APBB1IP: variants seen among roughly 807,000 people sequenced by gnomAD.
The protein encoded by APBB1IP is amyloid beta A4 precursor protein-binding family B member 1-interacting protein.
In APBB1IP, 27 loss-of-function variants were observed where a neutral mutation model predicts 64.9. The ratio of observed to expected loss-of-function variants is 0.42; its 90% CI spans 0.31 to 0.57. The LOEUF is 0.57. Ranked by LOEUF, APBB1IP falls within the 20% of genes least tolerant of loss-of-function variation. The pLI, the probability that APBB1IP is intolerant of heterozygous loss-of-function variation, is 0.20. For synonymous variants in APBB1IP, 392 were observed against 331.0 expected (o/e 1.18, Z -2.00); for missense variants, 812 against 845.5 (o/e 0.96, Z 0.49).
At position 26,511,858 on chromosome 10, in the gene APBB1IP, T is replaced by G. The variant is rs1836265046; in HGVS notation, c.643T>G (p.Cys215Gly). ...CCTTTTCGAGAAAACTCATTGTGAC[T>G]GCAATGTAGACTGGTGTCTTTATGA... ...DNLFEKTHCD[C>G]NVDWCLYEIY... is the part of the protein sequence containing the mutation. Residue 215 changes from cysteine to glycine, a missense_variant, in exon 7 of 15, where the codon TGC (cysteine) becomes GGC (glycine). Around this residue, in one of 3 missense-constraint regions of APBB1IP, gnomAD observed 394 missense variants for 413.1 expected, o/e 0.95. Coordinates refer to ENST00000376236, the MANE Select transcript of APBB1IP (RefSeq NM_019043.4). The G allele has an allele frequency of 1.2e-6, 2 of 1,614,238 alleles. No individual in the cohort carries two copies. The highest frequency in any genetic ancestry group is 1.7e-6 in the Non-Finnish European group (2 of 1,180,042).
intron 2 of APBB1IP, among the ~76,000 whole-genome samples, chr10:26,470,266 G>A (rs1455883769): frequency 6.6e-6 from 1 of 152,232 alleles, no homozygotes; most frequent in African/African-American, 2.4e-5. Context: ...ACTGGGCACA[G>A]TGTTTCATGC....
chr10:26,454,317 T>G (rs531671430), intron 2 of APBB1IP, among the ~76,000 whole-genome samples: 1 of 152,146 alleles, frequency 6.6e-6, no homozygotes, highest in East Asian at 1.9e-4. Flanking sequence ...GGTGGATGCC[T>G]GTAGTCCCAG....
At chr10:26,459,735 T>C (rs1400171326) in intron 2 of APBB1IP, among the ~76,000 whole-genome samples, 3 of 152,220 alleles carry the variant, frequency 2.0e-5, no homozygotes, top group Admixed American at 1.3e-4. Flanking sequence ...GCCCTTATTT[T>C]TCATTTTCAT....
chr10:26,519,910 G>A (rs1030035113), intron 8 of APBB1IP, among the ~76,000 whole-genome samples: 2 of 152,182 alleles, frequency 1.3e-5, no homozygotes, highest in African/African-American at 4.8e-5. Flanking sequence ...CATTCTCATT[G>A]ATGTCATGGC....
Position 26,467,760 on chromosome 10 carries a change from C to T in APBB1IP, c.1-24567C>T, listed in dbSNP as rs371068951. Among the ~76,000 whole-genome samples the T allele has an allele frequency of 2.0e-5, 3 of 152,160 alleles. No homozygotes were observed. The East Asian group carries it at 5.8e-4, about 29-fold the overall frequency. On this transcript the variant is annotated intron_variant, in intron 2 of 14. Transcript: ENST00000376236. ...TTCAGTAAGAAGTGTCTGGGTGATG[C>T]TGGTCTGAAGACTCACACTTTGAGA...
At chr10:26,483,998 G>A (rs1421643072) in intron 2 of APBB1IP, among the ~76,000 whole-genome samples, 1 of 152,108 alleles carries the variant, frequency 6.6e-6, no homozygotes, top group African/African-American at 2.4e-5. Context: ...CTTAGTCCAA[G>A]TAAAGACTAA....
chr10:26,469,258 C>CTTTTTTTTTTTT (rs386361721), intron 2 of APBB1IP, among the ~76,000 whole-genome samples: 19 of 112,926 alleles, frequency 1.7e-4, no homozygotes, highest in African/African-American at 5.0e-4. Flanking sequence ...CTTTTCTTTT[C>CTTTTTTTTTTTT]TTTTTTTTTT....
intron 6 of APBB1IP, among the ~76,000 whole-genome samples, chr10:26,505,753 A>ATAT (rs1836167037): frequency 6.6e-6 from 1 of 151,260 alleles, no homozygotes; most frequent in Admixed American, 6.6e-5. Context: ...GTGCATCTGT[A>ATAT]CCCATATATC....
rs757452891 is a variant in APBB1IP at position 26,445,127 on chromosome 10, GAAAAGAAAGAA to G, written c.-1+6276_-1+6286del. The stretch of plus-strand genomic sequence containing the variant: ...AAAAAGAGGAAAAGAAAGAAAGAAA[GAAAAGAAAGAA>G]AGAAAGAAAGAAAGAAAGAAAGAAA... On this transcript the variant is annotated intron_variant, in intron 2 of 14. Coordinates refer to ENST00000376236, the MANE Select transcript of APBB1IP (RefSeq NM_019043.4). Among the ~76,000 whole-genome samples, 171 of 47,324 alleles carry G rather than the reference GAAAAGAAAGAA, an allele frequency of 3.6e-3. 2 individuals carry two copies. The highest frequency in any genetic ancestry group is 8.4e-3 in the Admixed American group (31 of 3,712). The allele number at this position is 47,324 out of a possible 152,430, so 31.0% of individuals were successfully genotyped here. A position where few individuals can be genotyped will look rare whatever the true frequency, so the allele number is the denominator to read the frequency against.
Position 26,513,562 on chromosome 10 carries a change from A to G in APBB1IP, c.715A>G (p.Asn239Asp). The change falls in exon 8 of 15, where the codon AAT (asparagine) becomes GAT (aspartate). Residue 239 changes from asparagine to aspartate, a missense_variant. Physicochemically the swap from Asn to Asp is conservative, Grantham distance 23. Around this residue, in one of 3 missense-constraint regions of APBB1IP, gnomAD observed 394 missense variants for 413.1 expected, o/e 0.95. Transcript: ENST00000376236. ...AGAGAGGTTTTTTGAAGACCATGAA[A>G]ATGTTGTTGAAGTCTTATCAGACTG... ...QIERFFEDHE[N>D]VVEVLSDWTR... 1 of 1,612,002 alleles carries G rather than the reference A, an allele frequency of 6.2e-7. No individual in the cohort carries two copies. The highest frequency in any genetic ancestry group is 8.5e-7 in the Non-Finnish European group (1 of 1,179,590).
chr10:26,459,507 C>A (rs1835565998), intron 2 of APBB1IP, among the ~76,000 whole-genome samples: 1 of 152,190 alleles, frequency 6.6e-6, no homozygotes, highest in Non-Finnish European at 1.5e-5. Flanking sequence ...CCTGAGGAAT[C>A]ACCACACTAT....
chr10:26,472,410 G>A (rs1032128400), intron 2 of APBB1IP, among the ~76,000 whole-genome samples: 2 of 152,134 alleles, frequency 1.3e-5, no homozygotes, highest in Non-Finnish European at 2.9e-5. Flanking sequence ...TTCTCCTCAT[G>A]TCTTTATCTC....
chr10:26,487,195 G>A (rs1331579320), intron 2 of APBB1IP, among the ~76,000 whole-genome samples: 1 of 134,888 alleles, frequency 7.4e-6, no homozygotes, highest in Non-Finnish European at 1.5e-5. Context: ...TCAGGGCTGG[G>A]TGTTTTTTTT....
intron 2 of APBB1IP, among the ~76,000 whole-genome samples, chr10:26,457,877 A>G (rs1413706705): frequency 6.6e-6 from 1 of 152,246 alleles, no homozygotes; most frequent in African/African-American, 2.4e-5. Flanking sequence ...CCTAAAGATA[A>G]TCTGGATCAT....
chr10:26,497,621 C>T (rs1836042670), intron 4 of APBB1IP, among the ~76,000 whole-genome samples: 1 of 151,842 alleles, frequency 6.6e-6, no homozygotes, highest in African/African-American at 2.4e-5. Flanking sequence ...AAAAAGATTT[C>T]CCAAAGACTT....
Position 26,541,503 on chromosome 10 carries a change from G to A in APBB1IP, c.1045-79G>A. On this transcript the variant is annotated intron_variant, in intron 10 of 14. Coordinates refer to ENST00000376236, the MANE Select transcript of APBB1IP (RefSeq NM_019043.4). ...TTTCTTTACTAAAATATAATCCTTA[G>A]TTGTGCTATGAAGGACAACTCTGGA... The A allele has an allele frequency of 3.5e-6, 3 of 860,072 alleles. No individual in the cohort carries two copies. In the East Asian group the frequency reaches 7.9e-5, roughly 23 times the overall value. 53.3% of individuals were successfully genotyped at this position (860,072 alleles called of 1,614,324 possible). A position where few individuals can be genotyped will look rare whatever the true frequency, so the allele number is the denominator to read the frequency against.
chr10:26,533,290 G>C, intron 8 of APBB1IP, 149 bp from the exon 9 acceptor site: 1 of 445,774 alleles, frequency 2.2e-6, no homozygotes, highest in African/African-American at 2.0e-5. Context: ...CATTTGGGAA[G>C]GCTCTGATGG....
At chr10:26,503,506 G>A (rs1314659939) in intron 6 of APBB1IP, among the ~76,000 whole-genome samples, 2 of 152,058 alleles carry the variant, frequency 1.3e-5, no homozygotes, top group Non-Finnish European at 2.9e-5. Flanking sequence ...GTGGTGGCAG[G>A]TGCCTGTAGT....
At chr10:26,463,780 G>A (rs1030143792) in intron 2 of APBB1IP, among the ~76,000 whole-genome samples, 1 of 152,160 alleles carries the variant, frequency 6.6e-6, no homozygotes. Context: ...AGAATGTGCA[G>A]GTTTGTTACA....
Sources: allele counts gnomAD v4.1 joint callset (sites outside exome capture counted in the v4.1 genomes callset), GRCh38; gene constraint gnomAD v4.1.1; regional missense constraint gnomAD v4.1.1; transcripts MANE v1.5; gene names NCBI Gene and HGNC (gene_info 2026-07-23, HGNC 2026-07-21).